Variants in FSBP observed in about 807,000 individuals in gnomAD.
The protein encoded by FSBP is fibrinogen silencer-binding protein.
Under a neutral mutation model 24.6 loss-of-function variants are expected in FSBP, and 18 were observed. The observed-to-expected ratio is 0.73, with a 90% confidence interval of 0.51 to 1.08. The LOEUF (loss-of-function observed/expected upper bound fraction) is 1.08. Among genes scored for constraint, FSBP ranks in the 50% least tolerant of loss-of-function variants. The pLI, the probability that FSBP is intolerant of heterozygous loss-of-function variation, is 0.00. For missense variants in FSBP, 305 were observed against 347.6 expected (o/e 0.88, Z 0.98); for synonymous variants, 110 against 125.8 (o/e 0.87, Z 0.84).
At chr8:94,435,677 G>C (rs3019279) in intron 1 of FSBP, among the ~76,000 whole-genome samples, 61,821 of 151,766 alleles carry the variant, frequency 0.41, 12,730 homozygotes, top group Admixed American at 0.51. Flanking sequence ...TTACATAGAA[G>C]ACAAGTTTAA....
At position 94,428,400 on chromosome 8, in the gene FSBP, C is replaced by T; in HGVS notation, c.*3731G>A. 4.9e-6 allele frequency: 4 copies of T among 818,190 alleles called. No homozygotes were observed. Among genetic ancestry groups the T allele is most frequent in the Non-Finnish European group, 5.9e-6 (4 of 677,670 alleles). The allele number at this position is 818,190 out of a possible 1,614,324, so 50.7% of individuals were successfully genotyped here. A position where few individuals can be genotyped will look rare whatever the true frequency, so the allele number is the denominator to read the frequency against. On this transcript the variant is annotated 3_prime_UTR_variant, in exon 2 of 2. Transcript: ENST00000481490. ...AGGGGGATTGGTTTCAGGACACCCC[C>T]TACCCCATCAAGATCCACAGATACT...
chr8:94,434,698 A>G (rs1455983530), intron 1 of FSBP, among the ~76,000 whole-genome samples: 1 of 151,648 alleles, frequency 6.6e-6, no homozygotes, highest in African/African-American at 2.4e-5. Flanking sequence ...AGCACATTAA[A>G]TATATATATT....
rs1473405673 is a variant in FSBP at position 94,432,585 on chromosome 8, G to T, written c.446C>A (p.Ala149Asp). Residue 149 changes from alanine to aspartate, a missense_variant, in exon 2 of 2, where the codon GCT becomes GAT. Physicochemically the swap from Ala to Asp is moderately radical, Grantham distance 126. Transcript: ENST00000481490. ...TTCTTGCTTCACCTCCACTGTAATA[G>T]CAACAGGATGGTGATCCAACATTAC... ...LQVMLDHHPV[A>D]ITVEVKQEED... 36 of 1,550,020 alleles carry T rather than the reference G, an allele frequency of 2.3e-5. No homozygotes were observed. The highest frequency in any genetic ancestry group is 3.9e-5 in the Admixed American group (2 of 50,944).
rs896144982 is a variant in FSBP at position 94,431,441 on chromosome 8, G to A, written c.*690C>T. The A allele has an allele frequency of 2.0e-6, 2 of 979,782 alleles. No homozygotes were observed. The highest frequency in any genetic ancestry group is 2.4e-6 in the Non-Finnish European group (2 of 825,042). 60.7% of individuals were successfully genotyped at this position (979,782 alleles called of 1,614,324 possible). A position where few individuals can be genotyped will look rare whatever the true frequency, so the allele number is the denominator to read the frequency against. On this transcript the variant is annotated 3_prime_UTR_variant, in exon 2 of 2. Transcript: ENST00000481490. ...TAAAGGCAATTTTAATGAAAGAAAT[G>A]CTTCTAATATTTAAATCTAGAGAAT...
In FSBP at chr8:94,432,174, G is replaced by C. The variant is rs763490414; in HGVS notation, c.857C>G (p.Ala286Gly). The C allele has an allele frequency of 7.7e-6, 12 of 1,549,742 alleles. No individual in the cohort carries two copies. The highest frequency in any genetic ancestry group is 4.8e-5 in the South Asian group (4 of 84,018). ...RAKIEVEKLKAIRLRHDLPEY... is the reference protein window; with the variant it reads ...RAKIEVEKLKGIRLRHDLPEY... Reference sequence around the variant, plus strand: ...AGGTAGATCATGCCGTAAGCGAATTGCTTTCAGCTTCTCCACTTCAATTTT... The same window carrying C: ...AGGTAGATCATGCCGTAAGCGAATTCCTTTCAGCTTCTCCACTTCAATTTT... The change falls in exon 2 of 2, where the codon GCA becomes GGA. Residue 286 changes from alanine to glycine, a missense_variant. Physicochemically the swap from Ala to Gly is moderately conservative, Grantham distance 60. Transcript: ENST00000481490.
chr8:94,430,369 A>G lies in FSBP; in HGVS notation c.*1762T>C. On this transcript the variant is annotated 3_prime_UTR_variant, in exon 2 of 2. Transcript: ENST00000481490. ...ATAATCTGGTATCAACCATCATCCAAATTTATATCCCTCAGTTCACTTTCA... is the reference window on the plus strand; with the variant it reads ...ATAATCTGGTATCAACCATCATCCAGATTTATATCCCTCAGTTCACTTTCA... 1.0e-6 allele frequency: 1 copy of G among 985,102 alleles called. No individual in the cohort carries two copies. Among genetic ancestry groups the G allele is most frequent in the Non-Finnish European group, 1.2e-6 (1 of 829,728 alleles). 61.0% of individuals were successfully genotyped at this position (985,102 alleles called of 1,614,324 possible).
Position 94,428,011 on chromosome 8 carries a change from G to A in FSBP, c.*4120C>T. ...ATACTTGACTATTTTAAGAAATCTGGTATTCGTTAGAAATGAGTTTCACTG... is the reference window on the plus strand; with the variant it reads ...ATACTTGACTATTTTAAGAAATCTGATATTCGTTAGAAATGAGTTTCACTG... On this transcript the variant is annotated 3_prime_UTR_variant, in exon 2 of 2. Coordinates refer to ENST00000481490, the MANE Select transcript of FSBP (RefSeq NM_001256141.2). The A allele has an allele frequency of 1.1e-6, 1 of 928,876 alleles. No homozygotes were observed. Among genetic ancestry groups the A allele is most frequent in the Non-Finnish European group, 1.3e-6 (1 of 778,818 alleles). 57.5% of individuals were successfully genotyped at this position (928,876 alleles called of 1,614,324 possible).
chr8:94,435,672 T>G (rs371363068), intron 1 of FSBP, among the ~76,000 whole-genome samples: 1 of 152,118 alleles, frequency 6.6e-6, no homozygotes. Context: ...AATAGTTACA[T>G]AGAAGACAAG....
intron 1 of FSBP, among the ~76,000 whole-genome samples, chr8:94,434,119 G>C (rs1170148467): frequency 6.6e-6 from 1 of 151,778 alleles, no homozygotes; most frequent in East Asian, 1.9e-4. Context: ...AGCAAGCTCT[G>C]CTTCTATTAA....
chr8:94,427,773 T>C lies in FSBP; in HGVS notation c.*4358A>G, dbSNP rs1263194857. On this transcript the variant is annotated 3_prime_UTR_variant, in exon 2 of 2. Coordinates refer to ENST00000481490, the MANE Select transcript of FSBP (RefSeq NM_001256141.2). ...GTGTTAACAAAGCATTTAACCATCATTATCTACAGTATATATTAAACACAA... is the reference window on the plus strand; with the variant it reads ...GTGTTAACAAAGCATTTAACCATCACTATCTACAGTATATATTAAACACAA... The C allele has an allele frequency of 2.1e-6, 2 of 961,502 alleles. No homozygotes were observed. The highest frequency in any genetic ancestry group is 6.2e-5 in the Admixed American group (1 of 16,234). 59.6% of individuals were successfully genotyped at this position (961,502 alleles called of 1,614,324 possible).
rs1812043434 is a variant in FSBP, at chr8:94,429,884, A to G, written c.*2247T>C. ...TTCTATTTCTATAGCCATAACTTAA[A>G]TTTCTGATTTAAGTTCTTCCAATAC... On this transcript the variant is annotated 3_prime_UTR_variant, in exon 2 of 2. Coordinates refer to ENST00000481490, the MANE Select transcript of FSBP (RefSeq NM_001256141.2). The G allele has an allele frequency of 2.0e-6, 2 of 985,250 alleles. No homozygotes were observed. Among genetic ancestry groups the G allele is most frequent in the South Asian group, 4.7e-5 (1 of 21,292 alleles). The allele number at this position is 985,250 out of a possible 1,614,324, so 61.0% of individuals were successfully genotyped here.
chr8:94,433,854 T>G (rs1812187709), intron 1 of FSBP, among the ~76,000 whole-genome samples: 2 of 151,906 alleles, frequency 1.3e-5, no homozygotes, highest in East Asian at 3.9e-4. Context: ...ACATTCTACA[T>G]GGATGATTAA....
In FSBP at chr8:94,436,776, T is replaced by C. The variant is rs184283750; in HGVS notation, c.93A>G (p.Glu31=). ...LVKPYVKILE[E]HTNKHSVIVE... ...CTATTACTGAATGTTTATTAGTGTG[T>C]TCTTCGAGAATTTTCACATATGGCT... The change falls in exon 1 of 2, where the codon GAA becomes GAG. Residue 31 remains glutamate (E), a synonymous_variant. Transcript: ENST00000481490. 1 of 1,550,320 alleles carries C rather than the reference T, an allele frequency of 6.5e-7. No homozygotes were observed. Among genetic ancestry groups the C allele is most frequent in the African/African-American group, 1.4e-5 (1 of 73,172 alleles).
chr8:94,428,282 C>G lies in FSBP; in HGVS notation c.*3849G>C. 1.0e-6 allele frequency: 1 copy of G among 977,558 alleles called. No individual in the cohort carries two copies. The highest frequency in any genetic ancestry group is 1.2e-6 in the Non-Finnish European group (1 of 822,858). The allele number at this position is 977,558 out of a possible 1,614,324, so 60.6% of individuals were successfully genotyped here. A position where few individuals can be genotyped will look rare whatever the true frequency, so the allele number is the denominator to read the frequency against. ...TCTTCTCTATGTTCTCCCAGCATTACATTTTGTAATTAAAGCTCATGGACC... is the reference window on the plus strand; with the variant it reads ...TCTTCTCTATGTTCTCCCAGCATTAGATTTTGTAATTAAAGCTCATGGACC... On this transcript the variant is annotated 3_prime_UTR_variant, in exon 2 of 2. Coordinates refer to ENST00000481490, the MANE Select transcript of FSBP (RefSeq NM_001256141.2).
chr8:94,428,916 A>T lies in FSBP; in HGVS notation c.*3215T>A, dbSNP rs1253449071. 1.0e-6 allele frequency: 1 copy of T among 985,026 alleles called. No individual in the cohort carries two copies. The highest frequency in any genetic ancestry group is 1.7e-5 in the African/African-American group (1 of 57,224). The allele number at this position is 985,026 out of a possible 1,614,324, so 61.0% of individuals were successfully genotyped here. On this transcript the variant is annotated 3_prime_UTR_variant, in exon 2 of 2. Coordinates refer to ENST00000481490, the MANE Select transcript of FSBP (RefSeq NM_001256141.2). ...TAAGATACTCTGTAAGATAATAAAC[A>T]GCCTCGGAAAAGGATTCTATGGTCA...
chr8:94,428,968 T>C lies in FSBP; in HGVS notation c.*3163A>G. ...ATAAATAATTTTCTTTATACAGGAA[T>C]TCTCATAAACTATACTATGTTAATC... On this transcript the variant is annotated 3_prime_UTR_variant, in exon 2 of 2. Coordinates refer to ENST00000481490, the MANE Select transcript of FSBP (RefSeq NM_001256141.2). The C allele has an allele frequency of 4.1e-6, 4 of 982,704 alleles. No individual in the cohort carries two copies. Among genetic ancestry groups the C allele is most frequent in the Non-Finnish European group, 4.8e-6 (4 of 827,492 alleles). The allele number at this position is 982,704 out of a possible 1,614,324, so 60.9% of individuals were successfully genotyped here. A position where few individuals can be genotyped will look rare whatever the true frequency, so the allele number is the denominator to read the frequency against.
chr8:94,436,921 C>T lies in FSBP; in HGVS notation c.-53G>A. ...TCTGAAACCACCATGCAGCCTTCAG[C>T]TCTGCTCAGCTCTTTTCACAAACAG... is the stretch of plus-strand genomic sequence containing the variant. On this transcript the variant is annotated 5_prime_UTR_variant, in exon 1 of 2. Transcript: ENST00000481490. 1 of 1,460,286 alleles carries T rather than the reference C, an allele frequency of 6.8e-7. No individual in the cohort carries two copies. Among genetic ancestry groups the T allele is most frequent in the Non-Finnish European group, 9.0e-7 (1 of 1,109,264 alleles). 90.5% of individuals were successfully genotyped at this position (1,460,286 alleles called of 1,614,324 possible).
rs775148282 is a variant in FSBP, at chr8:94,431,110, A to G, written c.*1021T>C. On this transcript the variant is annotated 3_prime_UTR_variant, in exon 2 of 2. Coordinates refer to ENST00000481490, the MANE Select transcript of FSBP (RefSeq NM_001256141.2). ...AAATAGAAATTCTTAAGTAACATAC[A>G]TATTAGAGATTTAATATAAATTTAA... 70 of 966,920 alleles carry G rather than the reference A, an allele frequency of 7.2e-5. No homozygotes were observed. The highest frequency in any genetic ancestry group is 9.6e-5 in the South Asian group (2 of 20,896). 59.9% of individuals were successfully genotyped at this position (966,920 alleles called of 1,614,324 possible). A position where few individuals can be genotyped will look rare whatever the true frequency, so the allele number is the denominator to read the frequency against.
chr8:94,432,590 A>G lies in FSBP; in HGVS notation c.441T>C (p.Pro147=), dbSNP rs1187448316. The change falls in exon 2 of 2, where the codon CCT becomes CCC. Residue 147 remains proline (P), a synonymous_variant. Coordinates refer to ENST00000481490, the MANE Select transcript of FSBP (RefSeq NM_001256141.2). Reference sequence around the variant, plus strand: ...GCTTCACCTCCACTGTAATAGCAACAGGATGGTGATCCAACATTACCTGTA... The same window carrying G: ...GCTTCACCTCCACTGTAATAGCAACGGGATGGTGATCCAACATTACCTGTA... ...SSLQVMLDHH[P]VAITVEVKQE... The G allele has an allele frequency of 6.5e-7, 1 of 1,550,204 alleles. No individual in the cohort carries two copies. Among genetic ancestry groups the G allele is most frequent in the South Asian group, 1.2e-5 (1 of 84,026 alleles).
Sources: allele counts gnomAD v4.1 joint callset (sites outside exome capture counted in the v4.1 genomes callset), GRCh38; gene constraint gnomAD v4.1.1; transcripts MANE v1.5; gene names NCBI Gene and HGNC (gene_info 2026-07-23, HGNC 2026-07-21).